The following HLA-F variants were observed in gnomAD, a reference collection of about 807,000 sequenced individuals.
HLA-F encodes major histocompatibility complex, class I, F, also known as HLA class I histocompatibility antigen, alpha chain F.
Under a neutral mutation model 49.5 loss-of-function variants are expected in HLA-F, and 46 were observed. That is an observed-to-expected ratio of 0.93 (90% CI 0.73 to 1.19). The LOEUF (loss-of-function observed/expected upper bound fraction) is 1.19, where lower values mean the gene tolerates loss of function less well. HLA-F is among the 50% of genes most tolerant of loss of function. The pLI, the probability that HLA-F is intolerant of heterozygous loss-of-function variation, is 0.00. For missense variants in HLA-F, 496 were observed against 579.6 expected, an observed-to-expected ratio of 0.86 and a Z score of 1.48; for synonymous variants, 203 against 233.5, an observed-to-expected ratio of 0.87 and a Z score of 1.19.
rs1434807144 is a variant in HLA-F, at chr6:29,723,920, C to G, written c.327C>G (p.Ser109Arg). The G allele has an allele frequency of 6.3e-6, 10 of 1,594,772 alleles. 1 individual carries two copies. Among genetic ancestry groups the G allele is most frequent in the South Asian group, 3.4e-5 (3 of 88,652 alleles). Reference protein sequence around the residue: ...LRNLLRRYNQSEAGSHTLQGM... With the variant: ...LRNLLRRYNQREAGSHTLQGM... ...ACCTGCTCCGCCGCTACAACCAGAGCGAGGCTGGTGAGTGAACCCGGCCGG... is the reference window on the plus strand; with the variant it reads ...ACCTGCTCCGCCGCTACAACCAGAGGGAGGCTGGTGAGTGAACCCGGCCGG... Residue 109 changes from serine to arginine, a missense_variant, in exon 2 of 7, where the codon AGC becomes AGG. Coordinates refer to ENST00000259951, the MANE Select transcript of HLA-F (RefSeq NM_001098479.2).
At chr6:29,731,231 A>ATGGATG (rs1562301955), downstream of HLA-F, among the ~76,000 whole-genome samples, 3 of 38,066 alleles carry the variant, frequency 7.9e-5, no homozygotes, top group East Asian at 2.4e-3. Context: ...GTAGATGGAT[A>ATGGATG]CATAGATAGA....
In HLA-F at chr6:29,724,449, G is replaced by A; in HGVS notation, c.610+1G>A. On this transcript the variant is annotated splice_donor_variant, in intron 3 of 6. Transcript: ENST00000259951. LOFTEE classifies it high-confidence loss of function. ...GGGAAGGAGACGCTACAGCGCGCAG[G>A]TACCAGGGGCCATGGGCGCCTTCCC... 1 of 1,612,536 alleles carries A rather than the reference G, an allele frequency of 6.2e-7. No individual in the cohort carries two copies. Among genetic ancestry groups the A allele is most frequent in the Non-Finnish European group, 8.5e-7 (1 of 1,179,476 alleles).
chr6:29,732,329 T>G (rs1363835032), intron 3 of HLA-F, among the ~76,000 whole-genome samples: 2 of 152,144 alleles, frequency 1.3e-5, no homozygotes, highest in African/African-American at 4.8e-5. Context: ...ACAAACATGC[T>G]TGTCAAAATA....
At chr6:29,738,097 A>G (rs1464656804) in intron 3 of HLA-F, 1 of 152,242 alleles carries the variant, frequency 6.6e-6, no homozygotes, top group Non-Finnish European at 1.5e-5. Context: ...ACATGGTCCA[A>G]TCTCGTGCTT....
rs188224595 is a variant in HLA-F, at chr6:29,725,449, C to T, written c.889C>T (p.Gln297Ter). 1 of 1,613,562 alleles carries T rather than the reference C, an allele frequency of 6.2e-7. No individual in the cohort carries two copies. Among genetic ancestry groups the T allele is most frequent in the African/African-American group, 1.3e-5 (1 of 75,050 alleles). ...LPQPLILRWE[Q>*]SPQPTIPIVG... is the part of the protein sequence containing the mutation. ...CTCACCTTCCCTTCCTTTCCCAGAGCAGTCTCCCCAGCCCACCATCCCCAT... is the reference window on the plus strand; with the variant it reads ...CTCACCTTCCCTTCCTTTCCCAGAGTAGTCTCCCCAGCCCACCATCCCCAT... The change falls in exon 5 of 7, where the codon CAG becomes TAG. Residue 297 changes from glutamine to a stop codon, truncating the protein, a stop_gained and splice_region_variant. Transcript: ENST00000259951. LOFTEE classifies it high-confidence loss of function.
chr6:29,726,559 ATG>A (rs9278276), intron 6 of HLA-F: 105,047 of 1,336,322 alleles, frequency 0.079, 3,402 homozygotes, highest in African/African-American at 0.2. Context: ...ATGCACGTAA[ATG>A]TGTGTGTGTG....
At chr6:29,725,398 G>C (rs372380683) in intron 4 of HLA-F, 49 bp from the exon 5 acceptor site, 1 of 1,608,796 alleles carries the variant, frequency 6.2e-7, no homozygotes, top group Non-Finnish European at 8.5e-7. Flanking sequence ...AGCAGGGTCA[G>C]GGCTGAGGCC....
rs1319357748 is a variant in HLA-F at position 29,736,692 on chromosome 6, A to G, written c.404-1430A>G. 6 of 275,062 alleles carry G rather than the reference A, an allele frequency of 2.2e-5. No individual in the cohort carries two copies. In the Admixed American group the frequency reaches 3.1e-4, roughly 14 times the overall value. The allele number at this position is 275,062 out of a possible 1,614,324, so 17.0% of individuals were successfully genotyped here. A position where few individuals can be genotyped will look rare whatever the true frequency, so the allele number is the denominator to read the frequency against. ...AGACACTTTCTTGATTTCTAATATG[A>G]TAGATTAGTTCTGTCAGTTCTGGAC... is the stretch of plus-strand genomic sequence containing the variant. On this transcript the variant is annotated intron_variant, in intron 3 of 4. Transcript: ENST00000465459.
intron 4 of HLA-F, 48 bp from the exon 5 acceptor site, chr6:29,725,399 G>T (rs1191286916): frequency 6.2e-7 from 1 of 1,608,474 alleles, no homozygotes; most frequent in East Asian, 2.2e-5. Flanking sequence ...GCAGGGTCAG[G>T]GCTGAGGCCT....
Position 29,726,288 on chromosome 6 carries a change from C to G in HLA-F, c.1036+245C>G, listed in dbSNP as rs578160182. On this transcript the variant is annotated intron_variant, in intron 6 of 6. Transcript: ENST00000259951. Reference sequence around the variant, plus strand: ...GTGTTGGGGGGGAACAGAGGGGACTCAGCTGTGCTATTGGGTTTCTTTGAC... The same window carrying G: ...GTGTTGGGGGGGAACAGAGGGGACTGAGCTGTGCTATTGGGTTTCTTTGAC... 1.4e-4 allele frequency: 159 copies of G among 1,147,866 alleles called. No individual in the cohort carries two copies. The African/African-American group carries it at 2.0e-3, about 15-fold the overall frequency. The allele number at this position is 1,147,866 out of a possible 1,614,324, so 71.1% of individuals were successfully genotyped here. A position where few individuals can be genotyped will look rare whatever the true frequency, so the allele number is the denominator to read the frequency against.
At position 29,727,170 on chromosome 6, in the gene HLA-F, G is replaced by T; in HGVS notation, c.1324G>T (p.Asp442Tyr). The T allele has an allele frequency of 6.3e-7, 1 of 1,578,918 alleles. No individual in the cohort carries two copies. The highest frequency in any genetic ancestry group is 1.2e-5 in the South Asian group (1 of 84,792). Residue 442 changes from aspartate (D) to tyrosine (Y), a missense_variant, in exon 7 of 7, where the codon GAC becomes TAC. Asp to Tyr is a radical substitution (Grantham distance 160). Transcript: ENST00000259951. Reference sequence around the variant, plus strand: ...GAAAAGGGTCCAGATTAAGATTTTTGACTGAGTCATTCTAAAGTAAGTTGC... The same window carrying T: ...GAAAAGGGTCCAGATTAAGATTTTTTACTGAGTCATTCTAAAGTAAGTTGC... ...LMKRVQIKIF[D>Y]
chr6:29,736,752 T>C (rs1184231925), intron 3 of HLA-F: 1 of 93,212 alleles, frequency 1.1e-5, no homozygotes, highest in African/African-American at 6.3e-5. Context: ...TTGCTGTGTG[T>C]GGTCACTATC....
At chr6:29,726,731 A>G (rs764907073) in intron 6 of HLA-F, 152 bp from the exon 7 acceptor site, 3 of 1,225,844 alleles carry the variant, frequency 2.4e-6, no homozygotes, top group African/African-American at 1.5e-5. Context: ...AGTCGAACAT[A>G]TGCCTTCCTC....
chr6:29,729,260 T>A (rs1286992163), downstream of HLA-F: 27 of 152,350 alleles, frequency 1.8e-4, 1 homozygote. Flanking sequence ...AGAATTCATA[T>A]GTATTCATTT....
intron 3 of HLA-F, chr6:29,735,440 A>T (rs995703538): frequency 6.7e-6 from 1 of 150,120 alleles, no homozygotes; most frequent in African/African-American, 2.4e-5. Context: ...CAATTCCTGC[A>T]TGACAGTCTT....
chr6:29,726,546 A>G, intron 6 of HLA-F: 1 of 1,504,724 alleles, frequency 6.6e-7, no homozygotes, highest in Non-Finnish European at 8.8e-7. Flanking sequence ...ATGTTTTTAT[A>G]GCATGCACGT....
chr6:29,725,256 C>G lies in HLA-F; in HGVS notation c.836C>G (p.Thr279Arg), dbSNP rs377103866. 3 of 1,614,064 alleles carry G rather than the reference C, an allele frequency of 1.9e-6. No individual in the cohort carries two copies. In the African/African-American group the frequency reaches 4.0e-5, roughly 22 times the overall value. Residue 279 changes from threonine (T) to arginine (R), a missense_variant, in exon 4 of 7, where the codon ACA becomes AGA. Physicochemically the swap from Thr to Arg is moderately conservative, Grantham distance 71. Transcript: ENST00000259951. ...CCTCCTGGAGAGGAACAGAGATACA[C>G]ATGCCATGTGCAGCACGAGGGGCTG... is the stretch of plus-strand genomic sequence containing the variant. ...VVPPGEEQRYTCHVQHEGLPQ... is the reference protein window; with the variant it reads ...VVPPGEEQRYRCHVQHEGLPQ...
rs761151916 is a variant in HLA-F at position 29,723,733 on chromosome 6, A to T, written c.140A>T (p.Glu47Val). The T allele has an allele frequency of 3.7e-6, 6 of 1,611,966 alleles. No homozygotes were observed. In the South Asian group the frequency reaches 5.5e-5, roughly 15 times the overall value. The change falls in exon 2 of 7, where the codon GAG becomes GTG. Residue 47 changes from glutamate (E) to valine (V), a missense_variant. Transcript: ENST00000259951. ...GRGEPRYIAV[E>V]YVDDTQFLRF... is the part of the protein sequence containing the mutation. Reference sequence around the variant, plus strand: ...GGGGAGCCCCGCTACATCGCCGTGGAGTACGTAGACGACACGCAATTCCTG... The same window carrying T: ...GGGGAGCCCCGCTACATCGCCGTGGTGTACGTAGACGACACGCAATTCCTG...
intron 3 of HLA-F, chr6:29,736,720 A>T: frequency 4.4e-6 from 1 of 228,680 alleles, no homozygotes; most frequent in Non-Finnish European, 8.8e-6. Flanking sequence ...TTCTGGACAC[A>T]GTCACTGCCA....
Sources: allele counts gnomAD v4.1 joint callset (sites outside exome capture counted in the v4.1 genomes callset), GRCh38; gene constraint gnomAD v4.1.1; transcripts MANE v1.5; gene names NCBI Gene and HGNC (gene_info 2026-07-23, HGNC 2026-07-21).